The following MYH15 variants were observed in gnomAD, a reference collection of about 807,000 sequenced individuals.
The protein encoded by MYH15 is myosin-15.
MYH15 carries 227 observed loss-of-function variants against 240.5 expected under a neutral mutation model. The ratio of observed to expected loss-of-function variants is 0.94; its 90% CI spans 0.85 to 1.05. The LOEUF (loss-of-function observed/expected upper bound fraction) is 1.05. Ranked by LOEUF, MYH15 falls within the 50% of genes least tolerant of loss-of-function variation. MYH15 has a pLI of 0.00. For missense variants in MYH15, 2,217 were observed against 2,247.5 expected (o/e 0.99, Z 0.27); for synonymous variants, 785 against 796.7 (o/e 0.99, Z 0.25).
chr3:108,546,033 TAA>T, the MYH15 span, among the ~76,000 whole-genome samples: 3 of 152,170 alleles, frequency 2.0e-5, no homozygotes, highest in African/African-American at 7.2e-5. Flanking sequence ...CATACTAATT[TAA>T]AAGTCATATC....
At position 108,477,682 on chromosome 3, in the gene MYH15, C is replaced by T. The variant is rs372266303; in HGVS notation, c.1115-1167G>A. Among the ~76,000 whole-genome samples, 4 of 152,226 alleles carry T rather than the reference C, an allele frequency of 2.6e-5. No individual in the cohort carries two copies. In the East Asian group the frequency reaches 7.7e-4, roughly 29 times the overall value. ...CAATCAACAGAAGCCAGGACACTTG[C>T]CAGCTATCTGTAAAACACCCTTCCT... is the stretch of plus-strand genomic sequence containing the variant. On this transcript the variant is annotated intron_variant, in intron 11 of 40. Transcript: ENST00000693548.
chr3:108,443,312 C>G (rs1221867046), intron 22 of MYH15, among the ~76,000 whole-genome samples: 3 of 151,970 alleles, frequency 2.0e-5, no homozygotes, highest in African/African-American at 7.3e-5. Flanking sequence ...TAAAATACAG[C>G]CTGTTGGCAT....
intron 27 of MYH15, among the ~76,000 whole-genome samples, chr3:108,424,822 T>A (rs1449590193): frequency 6.6e-6 from 1 of 152,232 alleles, no homozygotes; most frequent in Non-Finnish European, 1.5e-5. Context: ...AACAAATATT[T>A]AAAGCAGTAA....
chr3:108,413,522 A>T (rs2082610158), intron 30 of MYH15, among the ~76,000 whole-genome samples: 1 of 152,180 alleles, frequency 6.6e-6, no homozygotes, highest in African/African-American at 2.4e-5. Flanking sequence ...AATGATTATA[A>T]GCTGGGGTTT....
intron 10 of MYH15, among the ~76,000 whole-genome samples, chr3:108,485,965 C>A (rs1389574712): frequency 1.3e-5 from 2 of 152,080 alleles, no homozygotes; most frequent in Non-Finnish European, 2.9e-5. Flanking sequence ...GGACAAATGC[C>A]TGATAAAATC....
rs551633455 is a variant in MYH15, at chr3:108,394,713, C to T, written c.5134-557G>A. On this transcript the variant is annotated intron_variant, in intron 35 of 40. Transcript: ENST00000693548. ...CAGCCCTTAGGTACCCTCATTACCA[C>T]GGAGGATTCTTTGTGTTCTGTGGTT... Among the ~76,000 whole-genome samples the T allele has an allele frequency of 2.5e-3, 380 of 152,274 alleles. 1 individual carries two copies. The highest frequency in any genetic ancestry group is 7.8e-3 in the Admixed American group (119 of 15,294).
chr3:108,412,733 G>A (rs66653068), intron 30 of MYH15, among the ~76,000 whole-genome samples: 35,499 of 152,068 alleles, frequency 0.23, 4,760 homozygotes, highest in Non-Finnish European at 0.3. Context: ...TTAGAATTCA[G>A]AAGCAGTACA....
intron 21 of MYH15, among the ~76,000 whole-genome samples, chr3:108,453,250 C>T (rs1026103811): frequency 6.6e-6 from 1 of 152,114 alleles, no homozygotes; most frequent in Non-Finnish European, 1.5e-5. Flanking sequence ...TCACAGAAGA[C>T]CCTTAAGAGT....
At chr3:108,414,089 G>A (rs983833923) in intron 30 of MYH15, 143 bp downstream of exon 30, 21 of 753,712 alleles carry the variant, frequency 2.8e-5, no homozygotes, top group African/African-American at 2.1e-4. Context: ...AGCAGTGCAC[G>A]TTTCAGCTTT....
At position 108,442,188 on chromosome 3, in the gene MYH15, CCATTTGCCT is replaced by C. The variant is rs2082890398; in HGVS notation, c.2656-937_2656-929del. The stretch of plus-strand genomic sequence containing the variant: ...CCAGTTTGGGCAACATATTAATGAT[CCATTTGCCT>C]CACTTAACTTGTGTCTGCTAATTAG... On this transcript the variant is annotated intron_variant, in intron 22 of 40. Transcript: ENST00000693548. Among the ~76,000 whole-genome samples the C allele has an allele frequency of 2.6e-5, 4 of 152,226 alleles. No homozygotes were observed. The South Asian group carries it at 6.2e-4, about 24-fold the overall frequency.
intron 28 of MYH15, among the ~76,000 whole-genome samples, chr3:108,418,923 G>T (rs1381200712): frequency 6.6e-6 from 1 of 152,088 alleles, no homozygotes; most frequent in Non-Finnish European, 1.5e-5. Flanking sequence ...GCTAATTTTT[G>T]TATTTTTCTG....
At chr3:108,400,566 C>T (rs2082496057) in intron 33 of MYH15, among the ~76,000 whole-genome samples, 3 of 152,190 alleles carry the variant, frequency 2.0e-5, no homozygotes, top group African/African-American at 4.8e-5. Context: ...GTGGCTCACA[C>T]CTGTAATCCC....
In MYH15 at chr3:108,408,422, A is replaced by G. The variant is rs2082562983; in HGVS notation, c.4496-18T>C. ...AATCTCTTCTGGAGACAGAGGTAAG[A>G]AAAACAAAGTTAGTGAATGGGCTCA... is the stretch of plus-strand genomic sequence containing the variant. On this transcript the variant is annotated intron_variant, in intron 31 of 40. Coordinates refer to ENST00000693548, the MANE Select transcript of MYH15 (RefSeq NM_014981.3). 1.3e-6 allele frequency: 2 copies of G among 1,599,286 alleles called. No individual in the cohort carries two copies. The highest frequency in any genetic ancestry group is 1.7e-6 in the Non-Finnish European group (2 of 1,175,882).
In MYH15 at chr3:108,381,243, A is replaced by T. The variant is rs2082340502; in HGVS notation, c.*302T>A. 2 of 443,368 alleles carry T rather than the reference A, an allele frequency of 4.5e-6. No homozygotes were observed. The highest frequency in any genetic ancestry group is 8.2e-6 in the Non-Finnish European group (2 of 243,440). The allele number at this position is 443,368 out of a possible 1,614,324, so 27.5% of individuals were successfully genotyped here. A position where few individuals can be genotyped will look rare whatever the true frequency, so the allele number is the denominator to read the frequency against. On this transcript the variant is annotated 3_prime_UTR_variant, in exon 41 of 41. Transcript: ENST00000693548. ...TCCTACCCATTAAGAGGAAATATGG[A>T]CAAAGGATCAAGTATTTATTCATTT...
rs201073312 is a variant in MYH15, at chr3:108,464,621, G to A, written c.1731+17C>T. 4 of 1,590,892 alleles carry A rather than the reference G, an allele frequency of 2.5e-6. No individual in the cohort carries two copies. The highest frequency in any genetic ancestry group is 2.7e-5 in the African/African-American group (2 of 73,552). ...AAGTCAGGAAAATTCAAGACCGGGG[G>A]TCCAGAGGTAACTCACCACTCCTGC... On this transcript the variant is annotated intron_variant, in intron 15 of 40. Coordinates refer to ENST00000693548, the MANE Select transcript of MYH15 (RefSeq NM_014981.3).
Position 108,439,745 on chromosome 3 carries a change from C to T in MYH15, c.3067G>A (p.Val1023Ile), listed in dbSNP as rs2082870109. Residue 1023 changes from valine (V) to isoleucine (I), a missense_variant, in exon 24 of 41, where the codon GTT becomes ATT. Transcript: ENST00000693548. ...GATACACCGTTACTGACCTCATCAACTTGCTGTTCCAGCTTCAGATTTGCT... is the reference window on the plus strand; with the variant it reads ...GATACACCGTTACTGACCTCATCAATTTGCTGTTCCAGCTTCAGATTTGCT... The part of the protein sequence containing the change: ...SKANLKLEQQ[V>I]DELEGALEQE... 1.2e-6 allele frequency: 2 copies of T among 1,601,232 alleles called. No homozygotes were observed. The highest frequency in any genetic ancestry group is 1.7e-6 in the Non-Finnish European group (2 of 1,174,344).
At chr3:108,476,337 A>AAT in intron 12 of MYH15, 60 bp downstream of exon 12, 3 of 1,112,088 alleles carry the variant, frequency 2.7e-6, no homozygotes, top group South Asian at 1.3e-5. Flanking sequence ...TATACAGTAC[A>AAT]ATATATATAC....
intron 24 of MYH15, 139 bp from the exon 25 acceptor site, chr3:108,437,838 T>G: frequency 1.2e-6 from 1 of 868,300 alleles, no homozygotes; most frequent in Non-Finnish European, 1.7e-6. Flanking sequence ...AACATAGATA[T>G]TTCCAAATAA....
At chr3:108,400,740 C>A (rs1025370952) in intron 33 of MYH15, among the ~76,000 whole-genome samples, 2 of 152,070 alleles carry the variant, frequency 1.3e-5, no homozygotes, top group Admixed American at 6.5e-5. Context: ...ACCCAGAAGG[C>A]AGAGGTTGCA....
Sources: allele counts gnomAD v4.1 joint callset (sites outside exome capture counted in the v4.1 genomes callset), GRCh38; gene constraint gnomAD v4.1.1; transcripts MANE v1.5; gene names NCBI Gene and HGNC (gene_info 2026-07-23, HGNC 2026-07-21).